Variants in ADAMTS18 observed in about 807,000 individuals in gnomAD.
The protein encoded by ADAMTS18 is ADAM metallopeptidase with thrombospondin type 1 motif 18, also known as A disintegrin and metalloproteinase with thrombospondin motifs 18.
ADAMTS18 carries 157 observed loss-of-function variants against 165.9 expected under a neutral mutation model. The ratio of observed to expected loss-of-function variants is 0.95; its 90% CI spans 0.83 to 1.08. ADAMTS18 has a LOEUF of 1.08. Ranked by LOEUF, ADAMTS18 falls within the 50% of genes least tolerant of loss-of-function variation. The pLI, the probability that ADAMTS18 is intolerant of heterozygous loss-of-function variation, is 0.00. For missense variants in ADAMTS18, 2,040 were observed against 1,534.0 expected (o/e 1.33, Z -5.51); for synonymous variants, 782 against 578.2 (o/e 1.35, Z -5.06).
Position 77,283,581 on chromosome 16 carries a change from G to A in ADAMTS18, c.*375C>T, listed in dbSNP as rs906025782. ...TCTGAGTCTCAGTCTTTGACCTGAA[G>A]TCATAAAGGACCTTTTTAAAACAGA... On this transcript the variant is annotated 3_prime_UTR_variant, in exon 23 of 23. Coordinates refer to ENST00000282849, the MANE Select transcript of ADAMTS18 (RefSeq NM_199355.4). The A allele has an allele frequency of 4.2e-6, 1 of 236,554 alleles. No individual in the cohort carries two copies. The highest frequency in any genetic ancestry group is 8.4e-6 in the Non-Finnish European group (1 of 118,380). 14.7% of individuals were successfully genotyped at this position (236,554 alleles called of 1,614,324 possible).
chr16:77,346,608 A>G (rs2056481076), intron 10 of ADAMTS18, among the ~76,000 whole-genome samples: 2 of 152,186 alleles, frequency 1.3e-5, no homozygotes, highest in South Asian at 4.1e-4. Context: ...CAACATGCTC[A>G]TGAGAAAATT....
At chr16:77,327,896 TTGC>T (rs1365338088) in intron 12 of ADAMTS18, among the ~76,000 whole-genome samples, 1 of 152,160 alleles carries the variant, frequency 6.6e-6, no homozygotes, top group Non-Finnish European at 1.5e-5. Flanking sequence ...AAAGCACCAT[TTGC>T]TGCTCTCCCC....
At chr16:77,375,289 T>C (rs2056933037) in intron 3 of ADAMTS18, among the ~76,000 whole-genome samples, 1 of 152,088 alleles carries the variant, frequency 6.6e-6, no homozygotes, top group Non-Finnish European at 1.5e-5. Flanking sequence ...CCCAAAGTGC[T>C]GGAATTACAG....
At chr16:77,367,193 G>T (rs2056807650) in intron 4 of ADAMTS18, among the ~76,000 whole-genome samples, 1 of 152,070 alleles carries the variant, frequency 6.6e-6, no homozygotes, top group Non-Finnish European at 1.5e-5. Flanking sequence ...TCAAGACTGG[G>T]ACCTATGGCA....
intron 15 of ADAMTS18, among the ~76,000 whole-genome samples, 160 bp downstream of exon 15, chr16:77,320,919 T>A (rs778498322): frequency 1.3e-5 from 2 of 152,328 alleles, no homozygotes; most frequent in Middle Eastern, 3.4e-3. Flanking sequence ...ACGAAATTCC[T>A]CACAACTATC....
At chr16:77,289,189 CA>C in intron 22 of ADAMTS18, 74 bp downstream of exon 22, 1 of 1,553,834 alleles carries the variant, frequency 6.4e-7, no homozygotes, top group Non-Finnish European at 8.9e-7. Flanking sequence ...TCACAGGCTG[CA>C]CTACTAACAA....
intron 16 of ADAMTS18, among the ~76,000 whole-genome samples, chr16:77,309,765 G>T (rs2055746196): frequency 6.6e-6 from 1 of 152,060 alleles, no homozygotes; most frequent in Non-Finnish European, 1.5e-5. Flanking sequence ...AAAACACCAA[G>T]AAATAAGTGG....
At chr16:77,331,995 A>G (rs2056197155) in intron 12 of ADAMTS18, among the ~76,000 whole-genome samples, 1 of 152,186 alleles carries the variant, frequency 6.6e-6, no homozygotes. Flanking sequence ...CAATTCACCA[A>G]ATAGTTACGC....
intron 10 of ADAMTS18, among the ~76,000 whole-genome samples, chr16:77,345,073 A>T (rs1229143711): frequency 1.3e-5 from 2 of 152,132 alleles, no homozygotes; most frequent in Non-Finnish European, 2.9e-5. Flanking sequence ...TGATTTTTTT[A>T]AACTAGGCAA....
chr16:77,423,982 A>G (rs16945679), intron 3 of ADAMTS18, among the ~76,000 whole-genome samples: 3,368 of 152,298 alleles, frequency 0.022, 55 homozygotes, highest in African/African-American at 0.036. Flanking sequence ...TTCAAAGTCA[A>G]GACTAATCAA....
intron 3 of ADAMTS18, among the ~76,000 whole-genome samples, chr16:77,396,925 G>A (rs1335501643): frequency 6.6e-6 from 1 of 151,814 alleles, no homozygotes; most frequent in East Asian, 1.9e-4. Flanking sequence ...TCTTGCCTCA[G>A]CCTCCTGAGT....
intron 17 of ADAMTS18, among the ~76,000 whole-genome samples, chr16:77,298,113 C>T (rs922412411): frequency 2.6e-5 from 4 of 151,390 alleles, no homozygotes; most frequent in African/African-American, 9.7e-5. Context: ...TTAGTAGAGA[C>T]GGCCATGTTA....
In ADAMTS18 at chr16:77,319,960, G is replaced by C; in HGVS notation, c.2421C>G (p.Asp807Glu). 2.5e-6 allele frequency: 4 copies of C among 1,614,214 alleles called. No individual in the cohort carries two copies. Among genetic ancestry groups the C allele is most frequent in the Non-Finnish European group, 3.4e-6 (4 of 1,180,036 alleles). The change falls in exon 16 of 23, where the codon GAC becomes GAG. Residue 807 changes from aspartate (D) to glutamate (E), a missense_variant. By Grantham distance (45) the Asp-to-Glu change is conservative (BLOSUM62 2). Transcript: ENST00000282849. ...CAGCGAAGGGGAACTCCCCAGGCCA[G>C]TCGATGCTCCAGCCCCCGGTGAGGT... is the stretch of plus-strand genomic sequence containing the variant. ...KYYLTGGWSIDWPGEFPFAGT... is the reference protein window; with the variant it reads ...KYYLTGGWSIEWPGEFPFAGT...
intron 8 of ADAMTS18, among the ~76,000 whole-genome samples, chr16:77,356,540 C>T (rs1270305819): frequency 6.6e-6 from 1 of 152,104 alleles, no homozygotes; most frequent in Non-Finnish European, 1.5e-5. Context: ...ATAAGGCTAG[C>T]ATGGTATAAA....
At chr16:77,312,258 C>T (rs1835085) in intron 16 of ADAMTS18, among the ~76,000 whole-genome samples, 7,883 of 150,590 alleles carry the variant, frequency 0.052, 549 homozygotes, top group African/African-American at 0.16. Context: ...TTTTTTGAGA[C>T]GGAGTTTTGT....
rs548664842 is a variant in ADAMTS18 at position 77,409,920 on chromosome 16, A to T, written c.495+21375T>A. 1.7e-4 allele frequency among the ~76,000 whole-genome samples: 26 copies of T among 152,196 alleles called. No individual in the cohort carries two copies. The South Asian group carries it at 5.4e-3, about 32-fold the overall frequency. ...TGATTCCATACCTCCTGCTAATATTACCGTACTAGAATTCTCAGTATTTGT... is the reference window on the plus strand; with the variant it reads ...TGATTCCATACCTCCTGCTAATATTTCCGTACTAGAATTCTCAGTATTTGT... On this transcript the variant is annotated intron_variant, in intron 3 of 22. Transcript: ENST00000282849.
intron 3 of ADAMTS18, among the ~76,000 whole-genome samples, chr16:77,419,243 T>C (rs1227042284): frequency 6.6e-6 from 1 of 152,184 alleles, no homozygotes; most frequent in Non-Finnish European, 1.5e-5. Flanking sequence ...CTTCAGGATG[T>C]CACCCAGGCT....
rs191770026 is a variant in ADAMTS18, at chr16:77,301,152, G to C, written c.2533-748C>G. 1.6e-4 allele frequency among the ~76,000 whole-genome samples: 24 copies of C among 152,238 alleles called. No homozygotes were observed. The East Asian group carries it at 3.7e-3, about 23-fold the overall frequency. On this transcript the variant is annotated intron_variant, in intron 16 of 22. Coordinates refer to ENST00000282849, the MANE Select transcript of ADAMTS18 (RefSeq NM_199355.4). ...GGATAAATCTGATCCCATAAAGTCT[G>C]ACTACTAAAATAAGAGCAATCACAT...
At chr16:77,418,236 T>C (rs918791284) in intron 3 of ADAMTS18, among the ~76,000 whole-genome samples, 2 of 152,212 alleles carry the variant, frequency 1.3e-5, no homozygotes, top group Middle Eastern at 3.4e-3. Context: ...ACCTCAAACA[T>C]AGATTACCTG....
Sources: gnomAD v4.1 joint callset for allele counts (sites outside exome capture counted in the v4.1 genomes callset) on GRCh38, gnomAD v4.1.1 for gene constraint, MANE v1.5 for transcripts, NCBI Gene and HGNC (gene_info 2026-07-23, HGNC 2026-07-21) for gene names.